The following NCAM2 variants were observed in gnomAD, a reference collection of about 807,000 sequenced individuals.
NCAM2 encodes the protein N-CAM-2.
NCAM2 carries 30 observed loss-of-function variants against 98.1 expected under a neutral mutation model. The ratio of observed to expected loss-of-function variants is 0.31; its 90% CI spans 0.23 to 0.41. The LOEUF is 0.41. Ranked by LOEUF, NCAM2 falls within the 10% of genes least tolerant of loss-of-function variation. NCAM2 has a pLI of 1.00. For synonymous variants in NCAM2, 368 were observed against 342.4 expected, an observed-to-expected ratio of 1.07 and a Z score of -0.83; for missense variants, 867 against 1,005.8, an observed-to-expected ratio of 0.86 and a Z score of 1.87.
chr21:21,401,400 C>T (rs1467878804), intron 9 of NCAM2, among the ~76,000 whole-genome samples: 2 of 152,162 alleles, frequency 1.3e-5, no homozygotes, highest in Non-Finnish European at 2.9e-5. Flanking sequence ...GGTAATACAT[C>T]TCAAAAACTT....
chr21:21,161,725 G>A (rs2067792689), intron 1 of NCAM2, among the ~76,000 whole-genome samples: 1 of 151,856 alleles, frequency 6.6e-6, no homozygotes, highest in South Asian at 2.1e-4. Flanking sequence ...ATATCTATTA[G>A]TGTTACTGGA....
At chr21:21,126,420 A>G (rs2066826644) in intron 1 of NCAM2, among the ~76,000 whole-genome samples, 1 of 151,868 alleles carries the variant, frequency 6.6e-6, no homozygotes, top group Admixed American at 6.6e-5. Context: ...AGGTATGTAC[A>G]TTCAGTTTAG....
At chr21:21,486,261 G>A (rs367699719) in intron 15 of NCAM2, among the ~76,000 whole-genome samples, 18 of 119,720 alleles carry the variant, frequency 1.5e-4, no homozygotes, top group Admixed American at 1.3e-3. Flanking sequence ...CCGAGATCGC[G>A]CCACTGCACT....
chr21:21,379,855 T>C (rs1001369782), intron 9 of NCAM2, among the ~76,000 whole-genome samples: 1 of 151,964 alleles, frequency 6.6e-6, no homozygotes, highest in African/African-American at 2.4e-5. Context: ...ATTAACTCAC[T>C]CCATCACAAG....
At chr21:21,266,819 A>G (rs1218394280) in intron 1 of NCAM2, among the ~76,000 whole-genome samples, 1 of 152,156 alleles carries the variant, frequency 6.6e-6, no homozygotes. Flanking sequence ...ATGTATACAT[A>G]TGCAACAAAC....
intron 1 of NCAM2, among the ~76,000 whole-genome samples, chr21:21,264,475 C>A (rs2072048054): frequency 6.6e-6 from 1 of 151,862 alleles, no homozygotes; most frequent in Non-Finnish European, 1.5e-5. Context: ...TACCATTTGA[C>A]CTAGCAATTC....
intron 6 of NCAM2, among the ~76,000 whole-genome samples, chr21:21,331,517 C>CTCTATATATA (rs1483062198): frequency 1.4e-4 from 1 of 6,930 alleles, no homozygotes; most frequent in African/African-American, 5.5e-4. Context: ...CTCTCTCTCT[C>CTCTATATATA]TATATATATA....
chr21:21,086,526 G>GAC (rs1285476399), intron 1 of NCAM2, among the ~76,000 whole-genome samples: 2 of 152,108 alleles, frequency 1.3e-5, no homozygotes, highest in African/African-American at 4.8e-5. Flanking sequence ...GTTTATCTCT[G>GAC]ACACCATTTT....
chr21:21,485,123 C>A (rs535800501), intron 15 of NCAM2, among the ~76,000 whole-genome samples: 1 of 151,824 alleles, frequency 6.6e-6, no homozygotes, highest in South Asian at 2.1e-4. Flanking sequence ...GATGTGTATC[C>A]CAATTGTGCT....
In NCAM2 at chr21:21,258,620, G is replaced by C. The variant is rs199729033; in HGVS notation, c.56-21958G>C. ...AGTGGCAGTATAGGAACTTGCTGGG[G>C]TCAGAGAACCAGGTGGCTGGCTTGC... is the stretch of plus-strand genomic sequence containing the variant. On this transcript the variant is annotated intron_variant, in intron 1 of 17. Coordinates refer to ENST00000400546, the MANE Select transcript of NCAM2 (RefSeq NM_004540.5). Among the ~76,000 whole-genome samples, 48 of 152,254 alleles carry C rather than the reference G, an allele frequency of 3.2e-4. No individual in the cohort carries two copies. In the East Asian group the frequency reaches 5.8e-3, roughly 18 times the overall value.
chr21:21,276,210 C>A (rs13046994), intron 1 of NCAM2, among the ~76,000 whole-genome samples: 65,590 of 151,762 alleles, frequency 0.43, 15,247 homozygotes, highest in Non-Finnish European at 0.53. Context: ...TTTATGTACC[C>A]CATAGTCCTC....
chr21:21,288,614 C>T (rs1482287101), intron 4 of NCAM2, among the ~76,000 whole-genome samples: 2 of 151,456 alleles, frequency 1.3e-5, no homozygotes, highest in African/African-American at 4.8e-5. Flanking sequence ...AGTGTAGAAA[C>T]TTATCACATA....
intron 9 of NCAM2, among the ~76,000 whole-genome samples, chr21:21,376,433 T>C (rs1186573992): frequency 6.6e-6 from 1 of 151,834 alleles, no homozygotes; most frequent in Non-Finnish European, 1.5e-5. Context: ...ATTAGAAGTC[T>C]ACCATCAACA....
chr21:21,062,974 A>C (rs1296037687), intron 1 of NCAM2, among the ~76,000 whole-genome samples: 1 of 152,192 alleles, frequency 6.6e-6, no homozygotes, highest in Non-Finnish European at 1.5e-5. Context: ...TTGTATCATA[A>C]TGCAATTCAT....
chr21:21,147,533 A>G (rs1432621576), intron 1 of NCAM2, among the ~76,000 whole-genome samples: 1 of 151,382 alleles, frequency 6.6e-6, no homozygotes, highest in East Asian at 1.9e-4. Flanking sequence ...CTAATAATGC[A>G]GCCACAGTAT....
At chr21:21,430,050 T>G (rs950671724) in intron 11 of NCAM2, among the ~76,000 whole-genome samples, 4 of 151,964 alleles carry the variant, frequency 2.6e-5, no homozygotes, top group Non-Finnish European at 5.9e-5. Flanking sequence ...ATTTTTGAGA[T>G]AGAGTCTCTC....
At chr21:21,503,738 A>G (rs146314026) in intron 15 of NCAM2, among the ~76,000 whole-genome samples, 22 of 152,114 alleles carry the variant, frequency 1.4e-4, no homozygotes, top group Admixed American at 1.4e-3. Context: ...ATATGGGGAA[A>G]CAGATTTAGA....
At chr21:20,999,782 A>G (rs1259795829) in intron 1 of NCAM2, among the ~76,000 whole-genome samples, 1 of 152,150 alleles carries the variant, frequency 6.6e-6, no homozygotes, top group Non-Finnish European at 1.5e-5. Flanking sequence ...GTAGAACTCC[A>G]TTTTAAGCCC....
At chr21:21,431,633 C>G (rs1483081447) in intron 11 of NCAM2, among the ~76,000 whole-genome samples, 1 of 152,010 alleles carries the variant, frequency 6.6e-6, no homozygotes, top group Admixed American at 6.6e-5. Context: ...TAGCACTTAC[C>G]TACAATTTAG....
Sources: gnomAD v4.1 joint callset for allele counts (sites outside exome capture counted in the v4.1 genomes callset) on GRCh38, gnomAD v4.1.1 for gene constraint, MANE v1.5 for transcripts, NCBI Gene and HGNC (gene_info 2026-07-23, HGNC 2026-07-21) for gene names.